PCDHGA7: variants seen among roughly 807,000 people sequenced by gnomAD.
The protein encoded by PCDHGA7 is protocadherin gamma-A7.
A neutral mutation model predicts 58.3 loss-of-function variants in PCDHGA7; 44 were observed. That is an observed-to-expected ratio of 0.75 (90% CI 0.59 to 0.97). The LOEUF is 0.97. PCDHGA7 is among the 50% of genes least tolerant of loss of function. The pLI, the probability that PCDHGA7 is intolerant of heterozygous loss-of-function variation, is 0.00. For missense variants in PCDHGA7, 1,266 were observed against 1,188.7 expected (o/e 1.06, Z -0.96); for synonymous variants, 516 against 504.2 (o/e 1.02, Z -0.31).
chr5:141,427,398 A>T (rs1040184910), intron 1 of PCDHGA7: 8 of 460,774 alleles, frequency 1.7e-5, no homozygotes, highest in Non-Finnish European at 3.5e-5. Context: ...AACACATGAT[A>T]AAGATTCGAG....
Position 141,491,947 on chromosome 5 carries a change from C to T in PCDHGA7, c.2425-2860C>T. ...GGGGAGGTGGGACCGACCCCCACCCCTACACTCAAAAAAGGCCGGGGCCTC... is the reference window on the plus strand; with the variant it reads ...GGGGAGGTGGGACCGACCCCCACCCTTACACTCAAAAAAGGCCGGGGCCTC... On this transcript the variant is annotated intron_variant, in intron 1 of 3. Coordinates refer to ENST00000518325, the MANE Select transcript of PCDHGA7 (RefSeq NM_018920.4). The surrounding 1 kb of genome is among the most constrained non-coding windows in gnomAD (Gnocchi z 6.9). 1 of 1,114,210 alleles carries T rather than the reference C, an allele frequency of 9.0e-7. No individual in the cohort carries two copies. The highest frequency in any genetic ancestry group is 1.2e-6 in the Non-Finnish European group (1 of 815,758). 69.0% of individuals were successfully genotyped at this position (1,114,210 alleles called of 1,614,324 possible). A position where few individuals can be genotyped will look rare whatever the true frequency, so the allele number is the denominator to read the frequency against.
chr5:141,404,517 A>G lies in PCDHGA7; in HGVS notation c.2424+19194A>G, dbSNP rs1268035794. On this transcript the variant is annotated intron_variant, in intron 1 of 3. Transcript: ENST00000518325. The stretch of plus-strand genomic sequence containing the variant: ...CTGTATGCTCTGTGCTCCTTTGACT[A>G]TGAGCAGTTTAGAGATTTGCAAATG... 5 of 1,613,938 alleles carry G rather than the reference A, an allele frequency of 3.1e-6. No homozygotes were observed. Among genetic ancestry groups the G allele is most frequent in the Non-Finnish European group, 3.4e-6 (4 of 1,179,844 alleles).
chr5:141,431,036 G>A lies in PCDHGA7; in HGVS notation c.2424+45713G>A. The A allele has an allele frequency of 6.2e-7, 1 of 1,614,204 alleles. No individual in the cohort carries two copies. Among genetic ancestry groups the A allele is most frequent in the Non-Finnish European group, 8.5e-7 (1 of 1,180,034 alleles). ...GGTCACGGCGGGCAGGATAGACCGG[G>A]AGGAGCTCTGTATGGGGGCCATCAA... On this transcript the variant is annotated intron_variant, in intron 1 of 3. Coordinates refer to ENST00000518325, the MANE Select transcript of PCDHGA7 (RefSeq NM_018920.4). This position sits in a 1 kb window ranked among gnomAD's most constrained non-coding sequence, Gnocchi z 4.8.
intron 1 of PCDHGA7, among the ~76,000 whole-genome samples, chr5:141,386,754 C>T (rs1026748961): frequency 9.8e-5 from 15 of 152,302 alleles, no homozygotes; most frequent in Admixed American, 3.3e-4. Flanking sequence ...GGCAGAACTA[C>T]GGTTATAAGG....
At chr5:141,418,828 C>G in intron 1 of PCDHGA7, 1 of 1,613,978 alleles carries the variant, frequency 6.2e-7, no homozygotes, top group Non-Finnish European at 8.5e-7. Flanking sequence ...AAGCAAAAGA[C>G]CGAGGATCTC....
At position 141,489,786 on chromosome 5, in the gene PCDHGA7, G is replaced by A. The variant is rs758119518; in HGVS notation, c.2425-5021G>A. 8.7e-6 allele frequency: 14 copies of A among 1,614,194 alleles called. No individual in the cohort carries two copies. Among genetic ancestry groups the A allele is most frequent in the Non-Finnish European group, 1.2e-5 (14 of 1,180,014 alleles). ...CCAACAGCCACTTCTCTCTGAATGTGAAGACCCTAAAAGATGGGAAGCCAT... is the reference window on the plus strand; with the variant it reads ...CCAACAGCCACTTCTCTCTGAATGTAAAGACCCTAAAAGATGGGAAGCCAT... On this transcript the variant is annotated intron_variant, in intron 1 of 3. Transcript: ENST00000518325. This position sits in a 1 kb window ranked among gnomAD's most constrained non-coding sequence, Gnocchi z 4.5.
rs962794399 is a variant in PCDHGA7, at chr5:141,449,958, AT to A, written c.2425-44841del. Among the ~76,000 whole-genome samples, 332 of 148,828 alleles carry A rather than the reference AT, an allele frequency of 2.2e-3. 1 individual carries two copies. The highest frequency in any genetic ancestry group is 6.8e-3 in the Admixed American group (101 of 14,904). Reference sequence around the variant, plus strand: ...GTATATTTTACTATACCTCATAGTAATTTTTTTTAGTCCAAAATATCACACA... The same window carrying A: ...GTATATTTTACTATACCTCATAGTAATTTTTTTAGTCCAAAATATCACACA... On this transcript the variant is annotated intron_variant, in intron 1 of 3. Coordinates refer to ENST00000518325, the MANE Select transcript of PCDHGA7 (RefSeq NM_018920.4).
rs1376069004 is a variant in PCDHGA7 at position 141,457,869 on chromosome 5, G to T, written c.2425-36938G>T. On this transcript the variant is annotated intron_variant, in intron 1 of 3. Transcript: ENST00000518325. ...AAGTGACATTCTTCACTGACCACAG[G>T]TTAGGAACCCTGTGTGGGGACTGTG... 2.0e-5 allele frequency among the ~76,000 whole-genome samples: 3 copies of T among 152,334 alleles called. No individual in the cohort carries two copies. The East Asian group carries it at 5.8e-4, about 29-fold the overall frequency.
chr5:141,384,186 T>A lies in PCDHGA7; in HGVS notation c.1287T>A (p.Thr429=). The A allele has an allele frequency of 6.2e-7, 1 of 1,613,730 alleles. No homozygotes were observed. The highest frequency in any genetic ancestry group is 8.5e-7 in the Non-Finnish European group (1 of 1,179,804). Residue 429 remains threonine, a synonymous_variant, in exon 1 of 4, where the codon ACT becomes ACA. Coordinates refer to ENST00000518325, the MANE Select transcript of PCDHGA7 (RefSeq NM_018920.4). ...CACTGAAAGCCACAGATGGTGGAACTCCTCCCTTGTCCAGGGAAACTCACA... is the reference window on the plus strand; with the variant it reads ...CACTGAAAGCCACAGATGGTGGAACACCTCCCTTGTCCAGGGAAACTCACA... ...NITLKATDGG[T]PPLSRETHIF...
rs921020435 is a variant in PCDHGA7, at chr5:141,477,853, G to A, written c.2425-16954G>A. 5.0e-6 allele frequency: 8 copies of A among 1,613,344 alleles called. No homozygotes were observed. The East Asian group carries it at 1.6e-4, about 31-fold the overall frequency. On this transcript the variant is annotated intron_variant, in intron 1 of 3. Coordinates refer to ENST00000518325, the MANE Select transcript of PCDHGA7 (RefSeq NM_018920.4). The surrounding 1 kb of genome is among the most constrained non-coding windows in gnomAD (Gnocchi z 4.9). The stretch of plus-strand genomic sequence containing the variant: ...GGCCAGGTGGGAGCTCGGTGGAGAT[G>A]CTGCCTCGAGGTACCTCAGCTGGCC...
intron 1 of PCDHGA7, chr5:141,413,929 CGAGTGAGTGTTCCT>C: frequency 6.2e-7 from 1 of 1,613,342 alleles, no homozygotes; most frequent in Non-Finnish European, 8.5e-7. Flanking sequence ...GCCAGAATAC[CGAGTGAGTGTTCCT>C]GAGAATTTGC....
At chr5:141,431,000 A>G (rs1272572092) in intron 1 of PCDHGA7, 4 of 1,613,898 alleles carry the variant, frequency 2.5e-6, no homozygotes, top group African/African-American at 1.3e-5. Flanking sequence ...GAATCCGCGC[A>G]GCGGCAGCTT....
intron 1 of PCDHGA7, chr5:141,407,918 C>T (rs890872713): frequency 1.1e-5 from 5 of 472,514 alleles, no homozygotes. Context: ...GGGCTGCTGT[C>T]CCGCACGGAG....
rs373286702 is a variant in PCDHGA7, at chr5:141,421,190, A to T, written c.2424+35867A>T. ...TACATAAGCCGATTCACAACCAACC[A>T]GCTCGAGAAACCGCGGAATATCGGC... On this transcript the variant is annotated intron_variant, in intron 1 of 3. Transcript: ENST00000518325. The T allele has an allele frequency of 4.7e-6, 7 of 1,480,168 alleles. No homozygotes were observed. The South Asian group carries it at 9.4e-5, about 20-fold the overall frequency. 91.7% of individuals were successfully genotyped at this position (1,480,168 alleles called of 1,614,324 possible).
intron 1 of PCDHGA7, chr5:141,403,602 G>A (rs761454619): frequency 5.0e-6 from 8 of 1,613,800 alleles, no homozygotes; most frequent in Non-Finnish European, 5.9e-6. Context: ...GCCTCGGATG[G>A]CGGCGAGCCG....
At position 141,415,393 on chromosome 5, in the gene PCDHGA7, T is replaced by C. The variant is rs574028530; in HGVS notation, c.2424+30070T>C. On this transcript the variant is annotated intron_variant, in intron 1 of 3. Transcript: ENST00000518325. ...TTCAGGAGGCGGCTTGACAGGTGTG[T>C]CCGGCTCGCACTTTGTGGGCGTGGA... 1.1e-5 allele frequency: 17 copies of C among 1,614,190 alleles called. No individual in the cohort carries two copies. In the East Asian group the frequency reaches 2.5e-4, roughly 23 times the overall value.
intron 1 of PCDHGA7, chr5:141,427,894 C>T (rs974220302): frequency 1.3e-6 from 2 of 1,568,222 alleles, no homozygotes; most frequent in East Asian, 2.2e-5. Flanking sequence ...GACCAGGGCT[C>T]GCCCGCGCTC....
chr5:141,468,131 C>G (rs1006565854), intron 1 of PCDHGA7, among the ~76,000 whole-genome samples: 1 of 151,766 alleles, frequency 6.6e-6, no homozygotes, highest in African/African-American at 2.4e-5. Flanking sequence ...TTGAGACCAG[C>G]CTGGCCAACA....
chr5:141,409,825 G>T (rs748261010), intron 1 of PCDHGA7: 8 of 1,610,680 alleles, frequency 5.0e-6, no homozygotes, highest in Admixed American at 3.4e-5. Context: ...GCTCGCCCAC[G>T]CTCAGCGCCA....
Sources: gnomAD v4.1 joint callset for allele counts (sites outside exome capture counted in the v4.1 genomes callset) on GRCh38, gnomAD v4.1.1 for gene constraint, Gnocchi (gnomAD v3.1) non-coding constraint, MANE v1.5 for transcripts, NCBI Gene and HGNC (gene_info 2026-07-23, HGNC 2026-07-21) for gene names.